CAPN14: variants seen among roughly 807,000 people sequenced by gnomAD.
The protein encoded by CAPN14 is calpain-14.
In CAPN14, 94 loss-of-function variants were observed where a neutral mutation model predicts 101.3. That is an observed-to-expected ratio of 0.93 (90% confidence interval 0.79 to 1.10). The LOEUF is 1.10. CAPN14 is among the 50% of genes least tolerant of loss of function. CAPN14 has a pLI of 0.00. For synonymous variants in CAPN14, 338 were observed against 317.9 expected (o/e 1.06, Z -0.67); for missense variants, 837 against 828.4 (o/e 1.01, Z -0.13).
At chr2:31,224,036 C>T (rs1030764262) in intron 2 of CAPN14, among the ~76,000 whole-genome samples, 4 of 152,300 alleles carry the variant, frequency 2.6e-5, no homozygotes, top group South Asian at 2.1e-4. Flanking sequence ...TATTGATCCA[C>T]GTTGAGTGTG....
chr2:31,208,671 C>A (rs1176202491), intron 1 of CAPN14, among the ~76,000 whole-genome samples: 1 of 152,208 alleles, frequency 6.6e-6, no homozygotes, highest in Non-Finnish European at 1.5e-5. Flanking sequence ...GCGGTTCTTG[C>A]ATGTTTCCTA....
chr2:31,186,422 A>T lies in CAPN14; in HGVS notation c.1645+6T>A. The stretch of plus-strand genomic sequence containing the variant: ...GAGTCCTACAGAATGGCTCTAAAAC[A>T]CTTACTTGACCAGGTCATCTGGTTC... On this transcript the variant is annotated splice_donor_region_variant and intron_variant, in intron 16 of 21. Transcript: ENST00000403897. The T allele has an allele frequency of 6.5e-7, 1 of 1,547,654 alleles. No homozygotes were observed. The highest frequency in any genetic ancestry group is 8.7e-7 in the Non-Finnish European group (1 of 1,145,040).
At chr2:31,229,513 T>C (rs1239483405) in intron 1 of CAPN14, among the ~76,000 whole-genome samples, 1 of 151,786 alleles carries the variant, frequency 6.6e-6, no homozygotes, top group Non-Finnish European at 1.5e-5. Flanking sequence ...CCATCTCTAC[T>C]AAAAATACAA....
At chr2:31,176,667 T>C in intron 20 of CAPN14, 25 bp from the exon 21 acceptor site, 1 of 1,536,616 alleles carries the variant, frequency 6.5e-7, no homozygotes, top group South Asian at 1.2e-5. Flanking sequence ...CAGAAAGGAA[T>C]ACAGCTAATG....
At chr2:31,222,929 A>G (rs13386968) in intron 2 of CAPN14, among the ~76,000 whole-genome samples, 12,720 of 152,204 alleles carry the variant, frequency 0.084, 926 homozygotes, top group African/African-American at 0.19. Context: ...GGAGTTATGA[A>G]TGGGATTAGG....
In CAPN14 at chr2:31,213,371, A is replaced by C. The variant is rs553121196; in HGVS notation, c.-53+4085T>G. On this transcript the variant is annotated intron_variant, in intron 1 of 21. Coordinates refer to ENST00000403897, the MANE Select transcript of CAPN14 (RefSeq NM_001145122.2). ...ATAAATAAAGTTTTACTGAAACTAC[A>C]GCCACACTTATCTGTCTGGTATTGT... is the stretch of plus-strand genomic sequence containing the variant. Among the ~76,000 whole-genome samples the C allele has an allele frequency of 1.6e-4, 25 of 152,366 alleles. No individual in the cohort carries two copies. The South Asian group carries it at 4.6e-3, about 28-fold the overall frequency.
intron 1 of CAPN14, among the ~76,000 whole-genome samples, chr2:31,232,975 G>C (rs1028171525): frequency 6.6e-6 from 1 of 152,142 alleles, no homozygotes; most frequent in South Asian, 2.1e-4. Flanking sequence ...CCAATACAAA[G>C]CACATCAACT....
chr2:31,185,645 G>A (rs1438688769), intron 16 of CAPN14, among the ~76,000 whole-genome samples: 2 of 152,188 alleles, frequency 1.3e-5, no homozygotes, highest in Non-Finnish European at 2.9e-5. Context: ...CCTTCTGGCT[G>A]TTTTACTGAT....
intron 17 of CAPN14, among the ~76,000 whole-genome samples, chr2:31,180,135 A>G (rs1680513829): frequency 1.3e-5 from 2 of 152,082 alleles, no homozygotes; most frequent in Non-Finnish European, 2.9e-5. Flanking sequence ...CCATGAATCC[A>G]TCACTGAGTT....
At chr2:31,181,985 A>G (rs1230337686) in intron 16 of CAPN14, among the ~76,000 whole-genome samples, 6 of 151,860 alleles carry the variant, frequency 4.0e-5, no homozygotes, top group Admixed American at 6.6e-5. Flanking sequence ...ATAAACATAC[A>G]TGTGCATGTG....
At chr2:31,184,179 G>A (rs1221036129) in intron 16 of CAPN14, among the ~76,000 whole-genome samples, 3 of 152,164 alleles carry the variant, frequency 2.0e-5, no homozygotes, top group East Asian at 1.9e-4. Context: ...CACCGCGCCC[G>A]GCCCTCCTCA....
chr2:31,181,475 T>A (rs1318671191), intron 16 of CAPN14, among the ~76,000 whole-genome samples: 5 of 124,212 alleles, frequency 4.0e-5, no homozygotes, highest in Non-Finnish European at 8.0e-5. Flanking sequence ...TTTCTTTCTT[T>A]TCTTTCTCTC....
At chr2:31,201,012 C>G (rs72859317) in intron 5 of CAPN14, among the ~76,000 whole-genome samples, 1 of 152,134 alleles carries the variant, frequency 6.6e-6, no homozygotes, top group African/African-American at 2.4e-5. Flanking sequence ...ACACCCTGGA[C>G]TCAAGAAAAG....
At chr2:31,222,853 C>A (rs72786926) in intron 2 of CAPN14, among the ~76,000 whole-genome samples, 3,870 of 152,238 alleles carry the variant, frequency 0.025, 57 homozygotes, top group South Asian at 0.043. Flanking sequence ...TGATCACATT[C>A]GGAGATGGAG....
chr2:31,209,811 T>C lies in CAPN14; in HGVS notation c.-52-4312A>G, dbSNP rs143030859. Among the ~76,000 whole-genome samples the C allele has an allele frequency of 4.7e-4, 72 of 152,324 alleles. No individual in the cohort carries two copies. The East Asian group carries it at 0.011, about 23-fold the overall frequency. ...ATCATGCCATGTTAGTACCTTGTAA[T>C]TGGCCATCATGGGAGTGTCCATACC... On this transcript the variant is annotated intron_variant, in intron 1 of 21. Transcript: ENST00000403897.
chr2:31,189,330 T>G lies in CAPN14; in HGVS notation c.1436A>C (p.Glu479Ala). 1 of 1,551,734 alleles carries G rather than the reference T, an allele frequency of 6.4e-7. No homozygotes were observed. Among genetic ancestry groups the G allele is most frequent in the Non-Finnish European group, 8.7e-7 (1 of 1,147,016 alleles). Residue 479 changes from glutamate (E) to alanine (A), a missense_variant, in exon 13 of 22, where the codon GAG (glutamate) becomes GCG (alanine). Transcript: ENST00000403897. ...GACGAACTCTGACTTCTGGTGGGCC[T>G]CCAATATGCAGGGCACGATGAGGTA... ...GTYLIVPCIL[E>A]AHQKSEFVLR...
At chr2:31,192,158 G>A (rs771582953) in intron 10 of CAPN14, 60 bp from the exon 11 acceptor site, 24 of 1,475,000 alleles carry the variant, frequency 1.6e-5, no homozygotes, top group South Asian at 6.9e-5. Context: ...CCTGCTTGCC[G>A]AACCACTAAG....
At chr2:31,201,107 A>G (rs1003619847) in intron 5 of CAPN14, among the ~76,000 whole-genome samples, 5 of 150,116 alleles carry the variant, frequency 3.3e-5, no homozygotes, top group African/African-American at 1.2e-4. Flanking sequence ...GTGTGTGTGC[A>G]TGTGCGTGTG....
chr2:31,191,135 C>A (rs969903681), intron 12 of CAPN14, among the ~76,000 whole-genome samples: 1 of 152,070 alleles, frequency 6.6e-6, no homozygotes, highest in Non-Finnish European at 1.5e-5. Flanking sequence ...TTAATAAATT[C>A]TAAAATGTAT....
Sources: gnomAD v4.1 joint callset for allele counts (sites outside exome capture counted in the v4.1 genomes callset) on GRCh38, gnomAD v4.1.1 for gene constraint, MANE v1.5 for transcripts, NCBI Gene and HGNC (gene_info 2026-07-23, HGNC 2026-07-21) for gene names.